The following NXN variants were observed in gnomAD, a reference collection of about 807,000 sequenced individuals.
NXN encodes the protein nucleoredoxin 1.
In NXN, 16 loss-of-function variants were observed where a neutral mutation model predicts 48.6. The observed-to-expected ratio is 0.33, with a 90% CI of 0.22 to 0.50. NXN has a LOEUF of 0.50. Ranked by LOEUF, NXN falls within the 20% of genes least tolerant of loss-of-function variation. NXN has a pLI of 0.98. For synonymous variants in NXN, 281 were observed against 269.6 expected (o/e 1.04, Z -0.41); for missense variants, 492 against 605.5 (o/e 0.81, Z 1.97).
chr17:810,688 G>A (rs1911935321), intron 5 of NXN, among the ~76,000 whole-genome samples: 3 of 152,146 alleles, frequency 2.0e-5, no homozygotes, highest in South Asian at 4.1e-4. Context: ...TCAGGAGGTG[G>A]AGACCAGCCT....
chr17:849,458 G>A lies in NXN; in HGVS notation c.361-23380C>T, dbSNP rs1210611730. On this transcript the variant is annotated intron_variant, in intron 1 of 7. Coordinates refer to ENST00000336868, the MANE Select transcript of NXN (RefSeq NM_022463.5). The surrounding 1 kb of genome is among the most constrained non-coding windows in gnomAD (Gnocchi z 4.2). ...TGAGGCAGAAGAATTGCTTGAACCT[G>A]GGAGGCGGAGGTTGCAGTGAGCTGA... 1.3e-5 allele frequency among the ~76,000 whole-genome samples: 2 copies of A among 152,086 alleles called. No homozygotes were observed. The highest frequency in any genetic ancestry group is 4.8e-5 in the African/African-American group (2 of 41,422).
At chr17:922,674 C>T (rs904976719) in intron 1 of NXN, among the ~76,000 whole-genome samples, 14 of 151,692 alleles carry the variant, frequency 9.2e-5, no homozygotes, top group Admixed American at 4.6e-4. Flanking sequence ...GTTTTTGAGA[C>T]GGAGTCTTGC....
intron 1 of NXN, among the ~76,000 whole-genome samples, chr17:955,744 C>CA (rs1364739902): frequency 6.6e-5 from 10 of 150,800 alleles, no homozygotes; most frequent in Middle Eastern, 3.2e-3. Flanking sequence ...AAAAAAAATA[C>CA]AAAAAAAATT....
intron 1 of NXN, among the ~76,000 whole-genome samples, chr17:960,536 A>G (rs2069224093): frequency 6.6e-6 from 1 of 151,672 alleles, no homozygotes; most frequent in Non-Finnish European, 1.5e-5. Flanking sequence ...GAGAGACAGG[A>G]TCTCCCCATG....
chr17:832,928 TC>T (rs1440025573), intron 1 of NXN, among the ~76,000 whole-genome samples: 1 of 152,118 alleles, frequency 6.6e-6, no homozygotes, highest in Non-Finnish European at 1.5e-5. Context: ...AGTCTCGCTG[TC>T]CCCCAGGCTG....
At position 889,743 on chromosome 17, in the gene NXN, G is replaced by C. The variant is rs568147768; in HGVS notation, c.361-63665C>G. Among the ~76,000 whole-genome samples, 217 of 100,188 alleles carry C rather than the reference G, an allele frequency of 2.2e-3. 5 individuals are homozygous for C. Among genetic ancestry groups the C allele is most frequent in the African/African-American group, 8.9e-3 (206 of 23,076 alleles). 65.7% of individuals were successfully genotyped at this position (100,188 alleles called of 152,430 possible). On this transcript the variant is annotated intron_variant, in intron 1 of 7. Coordinates refer to ENST00000336868, the MANE Select transcript of NXN (RefSeq NM_022463.5). ...AGAAAGAAAGAAAGAAAGAAAGAAA[G>C]AAAGAAAGAAAGAAAGAAAAAGAAA...
chr17:946,690 C>T (rs1006423411), intron 1 of NXN, among the ~76,000 whole-genome samples: 14 of 152,202 alleles, frequency 9.2e-5, no homozygotes, highest in African/African-American at 3.1e-4. Flanking sequence ...GAAAAAGAAT[C>T]GGCTCTGGAG....
chr17:818,761 T>C (rs1026982409), intron 5 of NXN, among the ~76,000 whole-genome samples: 18 of 151,802 alleles, frequency 1.2e-4, no homozygotes, highest in African/African-American at 4.1e-4. Flanking sequence ...GGTGGGCGCC[T>C]GTAGTCCCAG....
chr17:824,598 T>C (rs1912997377), intron 2 of NXN, among the ~76,000 whole-genome samples: 1 of 152,184 alleles, frequency 6.6e-6, no homozygotes, highest in African/African-American at 2.4e-5. Context: ...GAGTTTAAAA[T>C]ACCACGCTCC....
chr17:926,545 G>T (rs78377559), intron 1 of NXN, among the ~76,000 whole-genome samples: 15,318 of 126,868 alleles, frequency 0.12, 904 homozygotes, highest in Middle Eastern at 0.21. Flanking sequence ...TTTTTTTTTT[G>T]TTTTTTTGTT....
At chr17:895,826 C>CAAACA (rs2068478114) in intron 1 of NXN, among the ~76,000 whole-genome samples, 1 of 87,982 alleles carries the variant, frequency 1.1e-5, no homozygotes, top group Non-Finnish European at 2.2e-5. Context: ...AACAAACAAA[C>CAAACA]AAAAAAACTA....
chr17:976,643 G>A (rs2069461901), intron 1 of NXN, among the ~76,000 whole-genome samples: 1 of 152,116 alleles, frequency 6.6e-6, no homozygotes, highest in Non-Finnish European at 1.5e-5. Flanking sequence ...CACTTGTTCT[G>A]ATGGGGAAAT....
intron 2 of NXN, 90 bp from the exon 3 acceptor site, chr17:823,855 T>C: frequency 7.1e-7 from 1 of 1,406,666 alleles, no homozygotes; most frequent in East Asian, 2.3e-5. Flanking sequence ...AGACTCTTCT[T>C]GATGACCTGG....
At chr17:972,648 A>AC (rs1302998738) in intron 1 of NXN, among the ~76,000 whole-genome samples, 3 of 152,150 alleles carry the variant, frequency 2.0e-5, no homozygotes, top group African/African-American at 7.2e-5. Context: ...GGTTTGTTCA[A>AC]CCCCGACCCC....
intron 1 of NXN, among the ~76,000 whole-genome samples, chr17:955,053 AG>A (rs908492948): frequency 6.6e-6 from 1 of 151,946 alleles, no homozygotes; most frequent in Non-Finnish European, 1.5e-5. Flanking sequence ...GTCAGGAATG[AG>A]CCCCCGCGAC....
intron 1 of NXN, among the ~76,000 whole-genome samples, chr17:896,181 A>G (rs1274033646): frequency 6.6e-6 from 1 of 152,064 alleles, no homozygotes; most frequent in Admixed American, 6.5e-5. Flanking sequence ...CCTACTAAAA[A>G]TACAAAAAAT....
At chr17:882,954 A>C (rs1420569480) in intron 1 of NXN, among the ~76,000 whole-genome samples, 1 of 151,996 alleles carries the variant, frequency 6.6e-6, no homozygotes, top group African/African-American at 2.4e-5. Flanking sequence ...GGGTTTCACC[A>C]TGTTGGCCAG....
intron 1 of NXN, among the ~76,000 whole-genome samples, chr17:846,559 AAG>A (rs1478138522): frequency 3.9e-5 from 6 of 152,192 alleles, no homozygotes; most frequent in Non-Finnish European, 7.3e-5. Flanking sequence ...CACCTGAACA[AAG>A]GGGCACAAAA....
At chr17:864,159 C>G in intron 1 of NXN, 3 of 1,491,616 alleles carry the variant, frequency 2.0e-6, no homozygotes, top group Non-Finnish European at 2.7e-6. Flanking sequence ...TTGCTCGGTT[C>G]CGGTGAAGGG....
Sources: allele counts gnomAD v4.1 joint callset (sites outside exome capture counted in the v4.1 genomes callset), GRCh38; gene constraint gnomAD v4.1.1; non-coding constraint Gnocchi (gnomAD v3.1); transcripts MANE v1.5; gene names NCBI Gene and HGNC (gene_info 2026-07-23, HGNC 2026-07-21).